Variants in APCDD1 observed in about 807,000 individuals in gnomAD.
APCDD1 encodes the protein protein APCDD1.
Under a neutral mutation model 38.1 loss-of-function variants are expected in APCDD1, and 15 were observed. That is an observed-to-expected ratio of 0.39 (90% CI 0.26 to 0.61). The LOEUF is 0.61. Ranked by LOEUF, APCDD1 falls within the 20% of genes least tolerant of loss-of-function variation. The probability of loss-of-function intolerance (pLI) is 0.49; values close to 1 mark genes in which losing one functional copy is unlikely to be tolerated. For synonymous variants in APCDD1, 261 were observed against 279.7 expected, an observed-to-expected ratio of 0.93 and a Z score of 0.67; for missense variants, 647 against 696.2, an observed-to-expected ratio of 0.93 and a Z score of 0.79.
intron 1 of APCDD1, 143 bp from the exon 2 acceptor site, chr18:10,468,326 G>A (rs962854785): frequency 1.1e-4 from 101 of 885,098 alleles, no homozygotes; most frequent in Non-Finnish European, 1.8e-4. Context: ...TCATACACGA[G>A]AGCACGCACT....
Position 10,471,000 on chromosome 18 carries a change from T to G in APCDD1, c.243-530T>G, listed in dbSNP as rs543663727. On this transcript the variant is annotated intron_variant, in intron 2 of 4. Coordinates refer to ENST00000355285, the MANE Select transcript of APCDD1 (RefSeq NM_153000.5). The surrounding 1 kb of genome is among the most constrained non-coding windows in gnomAD (Gnocchi z 4.1). ...AGATGCTAGATGACTAGATTCTGTCTCAGGATGACAGACATTTTGCACCTG... is the reference window on the plus strand; with the variant it reads ...AGATGCTAGATGACTAGATTCTGTCGCAGGATGACAGACATTTTGCACCTG... Among the ~76,000 whole-genome samples, 166 of 152,362 alleles carry G rather than the reference T, an allele frequency of 1.1e-3. No homozygotes were observed. Among genetic ancestry groups the G allele is most frequent in the Middle Eastern group, 6.8e-3 (2 of 294 alleles).
chr18:10,471,462 A>G lies in APCDD1; in HGVS notation c.243-68A>G. 1 of 1,591,390 alleles carries G rather than the reference A, an allele frequency of 6.3e-7. No individual in the cohort carries two copies. The highest frequency in any genetic ancestry group is 8.6e-7 in the Non-Finnish European group (1 of 1,160,800). The stretch of plus-strand genomic sequence containing the variant: ...ATTATTATTTCTGTAATTTCTTAAT[A>G]CTATAATGAATCTCTTTCCCATACC... On this transcript the variant is annotated intron_variant, in intron 2 of 4. Coordinates refer to ENST00000355285, the MANE Select transcript of APCDD1 (RefSeq NM_153000.5). This position sits in a 1 kb window ranked among gnomAD's most constrained non-coding sequence, Gnocchi z 5.5.
intron 1 of APCDD1, among the ~76,000 whole-genome samples, chr18:10,456,147 C>T (rs549970504): frequency 6.6e-6 from 1 of 152,288 alleles, no homozygotes; most frequent in East Asian, 1.9e-4. Flanking sequence ...TAGTCCTGCC[C>T]CAGGTGGATG....
rs1264973297 is a variant in APCDD1, at chr18:10,475,444, T to C, written c.774+3383T>C. 6.6e-6 allele frequency among the ~76,000 whole-genome samples: 1 copy of C among 152,166 alleles called. No homozygotes were observed. The highest frequency in any genetic ancestry group is 1.5e-5 in the Non-Finnish European group (1 of 68,032). On this transcript the variant is annotated intron_variant, in intron 3 of 4. Coordinates refer to ENST00000355285, the MANE Select transcript of APCDD1 (RefSeq NM_153000.5). The surrounding 1 kb of genome is among the most constrained non-coding windows in gnomAD (Gnocchi z 4.0). ...GGAAGTTATAAAATAGCGTGAATAA[T>C]ATGATACCATCTGCATAAAACTAAT...
chr18:10,472,966 C>G lies in APCDD1; in HGVS notation c.774+905C>G, dbSNP rs949890750. On this transcript the variant is annotated intron_variant, in intron 3 of 4. Transcript: ENST00000355285. The surrounding 1 kb of genome is among the most constrained non-coding windows in gnomAD (Gnocchi z 6.6). Reference sequence around the variant, plus strand: ...AGTGCGTAGTGTGAACGTGCAGACCCGGGCCTGCTGCGGGTGGGCGGTGGG... The same window carrying G: ...AGTGCGTAGTGTGAACGTGCAGACCGGGGCCTGCTGCGGGTGGGCGGTGGG... 6.6e-6 allele frequency among the ~76,000 whole-genome samples: 1 copy of G among 152,042 alleles called. No homozygotes were observed. Among genetic ancestry groups the G allele is most frequent in the African/African-American group, 2.4e-5 (1 of 41,400 alleles).
rs992023267 is a variant in APCDD1, at chr18:10,487,951, C to T, written c.1458C>T (p.Gly486=). ...AAGACAGTGGAAGCAGCCTGTATGG[C>T]CGGGCCCCTGGGAGGCACACCTGGT... ...LAEDSGSSLY[G]RAPGRHTWSL... is the part of the protein sequence containing the mutation. Residue 486 remains glycine, a synonymous_variant, in exon 5 of 5, where the codon GGC becomes GGT. Transcript: ENST00000355285. 4 of 1,613,566 alleles carry T rather than the reference C, an allele frequency of 2.5e-6. No homozygotes were observed. In the African/African-American group the frequency reaches 4.0e-5, roughly 16 times the overall value.
intron 1 of APCDD1, among the ~76,000 whole-genome samples, chr18:10,462,462 C>T (rs2030575088): frequency 2.0e-5 from 1 of 49,088 alleles, no homozygotes; most frequent in African/African-American, 1.4e-4. Context: ...TCCCTCCCTC[C>T]CTCCCTCCTT....
In APCDD1 at chr18:10,485,071, AG is replaced by A. The variant is rs1417111638; in HGVS notation, c.775-388del. On this transcript the variant is annotated intron_variant, in intron 3 of 4. Coordinates refer to ENST00000355285, the MANE Select transcript of APCDD1 (RefSeq NM_153000.5). This position sits in a 1 kb window ranked among gnomAD's most constrained non-coding sequence, Gnocchi z 5.8. ...TGTATATTCTCATCAGCTGTGTTTA[AG>A]GGTTCCAATTTCTTCACATCCTTGC... Among the ~76,000 whole-genome samples, 1 of 152,158 alleles carries A rather than the reference AG, an allele frequency of 6.6e-6. No homozygotes were observed. The highest frequency in any genetic ancestry group is 1.5e-5 in the Non-Finnish European group (1 of 68,034).
Position 10,470,465 on chromosome 18 carries a change from C to T in APCDD1, c.243-1065C>T, listed in dbSNP as rs900722942. Among the ~76,000 whole-genome samples the T allele has an allele frequency of 6.6e-6, 1 of 152,188 alleles. No individual in the cohort carries two copies. Among genetic ancestry groups the T allele is most frequent in the Non-Finnish European group, 1.5e-5 (1 of 68,030 alleles). On this transcript the variant is annotated intron_variant, in intron 2 of 4. Coordinates refer to ENST00000355285, the MANE Select transcript of APCDD1 (RefSeq NM_153000.5). This position sits in a 1 kb window ranked among gnomAD's most constrained non-coding sequence, Gnocchi z 4.1. The stretch of plus-strand genomic sequence containing the variant: ...CCCTGTCTAAATAATGCTTATCTTT[C>T]ACCAGTCCATCAATGAGCAAATTAA...
At chr18:10,478,967 C>T (rs1432493052) in intron 3 of APCDD1, among the ~76,000 whole-genome samples, 2 of 152,192 alleles carry the variant, frequency 1.3e-5, no homozygotes, top group East Asian at 1.9e-4. Flanking sequence ...TAATTCTTTA[C>T]ATGTCCAATG....
At chr18:10,458,928 A>G (rs1413459384) in intron 1 of APCDD1, among the ~76,000 whole-genome samples, 1 of 152,216 alleles carries the variant, frequency 6.6e-6, no homozygotes. Flanking sequence ...GGTTTTGTGT[A>G]CATAGGCCAT....
At chr18:10,459,946 C>G (rs1041835676) in intron 1 of APCDD1, among the ~76,000 whole-genome samples, 1 of 152,202 alleles carries the variant, frequency 6.6e-6, no homozygotes, top group East Asian at 1.9e-4. Flanking sequence ...AGAAAAGAAT[C>G]ATTTTAAGCT....
intron 1 of APCDD1, among the ~76,000 whole-genome samples, chr18:10,460,879 A>C (rs543777540): frequency 2.6e-5 from 4 of 152,188 alleles, no homozygotes; most frequent in Non-Finnish European, 5.9e-5. Flanking sequence ...TCCCTTTGGA[A>C]ACTATGCCAA....
At chr18:10,462,579 TTCCTTCCCTCCC>T (rs2030584843) in intron 1 of APCDD1, among the ~76,000 whole-genome samples, 1 of 64,092 alleles carries the variant, frequency 1.6e-5, no homozygotes, top group Non-Finnish European at 3.0e-5. Context: ...CCTTCCTTCC[TTCCTTCCCTCCC>T]TCCTTCCTTC....
rs906475453 is a variant in APCDD1, at chr18:10,476,397, C to T, written c.774+4336C>T. 12 of 152,168 alleles carry T rather than the reference C, an allele frequency of 7.9e-5. No homozygotes were observed. The highest frequency in any genetic ancestry group is 1.3e-4 in the Non-Finnish European group (9 of 68,042). The allele number at this position is 152,168 out of a possible 1,614,324, so 9.4% of individuals were successfully genotyped here. A position where few individuals can be genotyped will look rare whatever the true frequency, so the allele number is the denominator to read the frequency against. On this transcript the variant is annotated intron_variant, in intron 3 of 4. Coordinates refer to ENST00000355285, the MANE Select transcript of APCDD1 (RefSeq NM_153000.5). This position sits in a 1 kb window ranked among gnomAD's most constrained non-coding sequence, Gnocchi z 5.8. ...GGTTCATTCAGGATGGAACTGGCTA[C>T]TCTTCATTATAAAAAAGTCAAGACA...
At position 10,487,741 on chromosome 18, in the gene APCDD1, A is replaced by C; in HGVS notation, c.1248A>C (p.Lys416Asn). The part of the protein sequence containing the change: ...HTNGCVALGI[K>N]LPHTEYEIFK... ...ATGGCTGCGTGGCCCTGGGCATCAAACTACCTCACACGGAGTACGAGATCT... is the reference window on the plus strand; with the variant it reads ...ATGGCTGCGTGGCCCTGGGCATCAACCTACCTCACACGGAGTACGAGATCT... The change falls in exon 5 of 5, where the codon AAA (lysine) becomes AAC (asparagine). Residue 416 changes from lysine to asparagine, a missense_variant. By Grantham distance (94) the Lys-to-Asn change is moderately conservative. Coordinates refer to ENST00000355285, the MANE Select transcript of APCDD1 (RefSeq NM_153000.5). The C allele has an allele frequency of 6.2e-7, 1 of 1,614,138 alleles. No homozygotes were observed. The highest frequency in any genetic ancestry group is 8.5e-7 in the Non-Finnish European group (1 of 1,180,024).
At chr18:10,468,343 A>G in intron 1 of APCDD1, 126 bp from the exon 2 acceptor site, 1 of 1,031,886 alleles carries the variant, frequency 9.7e-7, no homozygotes, top group Non-Finnish European at 1.5e-6. Flanking sequence ...CACTGTGATG[A>G]CACCTTGTAG....
At chr18:10,459,064 A>T (rs191740714) in intron 1 of APCDD1, among the ~76,000 whole-genome samples, 204 of 152,314 alleles carry the variant, frequency 1.3e-3, no homozygotes, top group African/African-American at 4.5e-3. Flanking sequence ...CTGTTCTGCA[A>T]GGGTTTTCCG....
Position 10,456,016 on chromosome 18 carries a change from G to C in APCDD1, c.58+977G>C, listed in dbSNP as rs922346790. ...CACAGCCACCCCAAACCTGTAGCGGGCTCCGGCTTCAGAATGCATGGTAGC... is the reference window on the plus strand; with the variant it reads ...CACAGCCACCCCAAACCTGTAGCGGCCTCCGGCTTCAGAATGCATGGTAGC... On this transcript the variant is annotated intron_variant, in intron 1 of 4. Transcript: ENST00000355285. 2.6e-5 allele frequency among the ~76,000 whole-genome samples: 4 copies of C among 152,302 alleles called. No homozygotes were observed. In the East Asian group the frequency reaches 7.7e-4, roughly 29 times the overall value.
Sources: gnomAD v4.1 joint callset for allele counts (sites outside exome capture counted in the v4.1 genomes callset) on GRCh38, gnomAD v4.1.1 for gene constraint, Gnocchi (gnomAD v3.1) non-coding constraint, MANE v1.5 for transcripts, NCBI Gene and HGNC (gene_info 2026-07-23, HGNC 2026-07-21) for gene names.